TMEM232: variants seen among roughly 807,000 people sequenced by gnomAD.
The protein encoded by TMEM232 is transmembrane protein 232.
In TMEM232, 80 loss-of-function variants were observed where a neutral mutation model predicts 78.8. The ratio of observed to expected loss-of-function variants is 1.01; its 90% CI spans 0.85 to 1.22. The LOEUF (loss-of-function observed/expected upper bound fraction) is 1.22, where lower values mean the gene tolerates loss of function less well. Among genes scored for constraint, TMEM232 ranks in the 50% most tolerant of loss-of-function variants. TMEM232 has a pLI of 0.00. For missense variants in TMEM232, 881 were observed against 742.2 expected, an observed-to-expected ratio of 1.19 and a Z score of -2.17; for synonymous variants, 297 against 254.3, an observed-to-expected ratio of 1.17 and a Z score of -1.60.
chr5:110,682,254 A>T (rs771169619), intron 1 of TMEM232, among the ~76,000 whole-genome samples: 4 of 152,182 alleles, frequency 2.6e-5, no homozygotes, highest in Admixed American at 2.0e-4. Context: ...CAGTCCCAAA[A>T]CACAGGGTAC....
intron 2 of TMEM232, among the ~76,000 whole-genome samples, chr5:110,648,627 TA>T (rs1580496675): frequency 6.6e-6 from 1 of 152,124 alleles, no homozygotes; most frequent in South Asian, 2.1e-4. Flanking sequence ...CCTAAAAAAA[TA>T]GCAAAAGTGG....
intron 5 of TMEM232, among the ~76,000 whole-genome samples, chr5:110,633,079 T>C (rs1413886792): frequency 6.6e-6 from 1 of 152,004 alleles, no homozygotes. Context: ...ATATTCAAAT[T>C]GCTGCAAGAA....
At chr5:110,722,491 A>G (rs1797743938) in intron 1 of TMEM232, among the ~76,000 whole-genome samples, 1 of 152,198 alleles carries the variant, frequency 6.6e-6, no homozygotes. Flanking sequence ...ACGGCTGTCA[A>G]GTAAACACTG....
chr5:110,721,793 A>C (rs1474430663), intron 1 of TMEM232, among the ~76,000 whole-genome samples: 2 of 150,468 alleles, frequency 1.3e-5, no homozygotes, highest in Non-Finnish European at 3.0e-5. Flanking sequence ...CGAATAAGAA[A>C]GACATAGTTT....
upstream of TMEM232, chr5:110,738,775 T>A (rs1323374087): frequency 2.8e-6 from 1 of 355,994 alleles, no homozygotes; most frequent in Non-Finnish European, 5.0e-6. Context: ...ATCTTTGAAC[T>A]CCTCCCATGC....
At position 110,618,535 on chromosome 5, in the gene TMEM232, AG is replaced by A; in HGVS notation, c.795del (p.Trp266GlyfsTer17). 1 of 1,550,032 alleles carries A rather than the reference AG, an allele frequency of 6.5e-7. No individual in the cohort carries two copies. The highest frequency in any genetic ancestry group is 8.7e-7 in the Non-Finnish European group (1 of 1,146,472). Reference sequence around the variant, plus strand: ...CAAGACCAAGCAGCAACACAGTGCCAGAGCAGGTGGTTAATTTCATATCCTC... The same window carrying A: ...CAAGACCAAGCAGCAACACAGTGCCAAGCAGGTGGTTAATTTCATATCCTC... ...DMGGYEINHL[L>X]WHCVAAWSCV... On this transcript the variant is annotated frameshift_variant, in exon 8 of 14. Transcript: ENST00000455884. LOFTEE classifies it high-confidence loss of function.
intron 5 of TMEM232, among the ~76,000 whole-genome samples, chr5:110,631,566 G>T (rs963921349): frequency 4.6e-5 from 7 of 152,170 alleles, no homozygotes; most frequent in African/African-American, 1.7e-4. Context: ...TGCCACTGGA[G>T]GCTAGGGCAG....
intron 12 of TMEM232, among the ~76,000 whole-genome samples, chr5:110,433,014 C>T (rs60582944): frequency 0.22 from 33,952 of 151,594 alleles, 6,773 homozygotes; most frequent in African/African-American, 0.53. Context: ...AGAAAATACT[C>T]TGATAGCCAC....
chr5:110,398,295 C>A lies in TMEM232; in HGVS notation n.309-441G>T, dbSNP rs565609198. Among the ~76,000 whole-genome samples, 8 of 152,160 alleles carry A rather than the reference C, an allele frequency of 5.3e-5. No individual in the cohort carries two copies. In the East Asian group the frequency reaches 1.5e-3, roughly 29 times the overall value. On this transcript the variant is annotated intron_variant and non_coding_transcript_variant, in intron 2 of 8. Transcript: ENST00000507188. ...ATTGTCACTAATGTGTATAACAAAC[C>A]TCTACAAAAGAAAAACCAAGGTATT...
chr5:110,533,136 CTT>C (rs1315715621), intron 11 of TMEM232, among the ~76,000 whole-genome samples: 1 of 152,162 alleles, frequency 6.6e-6, no homozygotes, highest in Non-Finnish European at 1.5e-5. Context: ...CCCAGCCTCT[CTT>C]TGCTTTCACC....
chr5:110,502,288 A>G (rs1033123838), intron 12 of TMEM232, among the ~76,000 whole-genome samples: 1 of 152,172 alleles, frequency 6.6e-6, no homozygotes, highest in African/African-American at 2.4e-5. Context: ...AGTTCCAGGG[A>G]CTGAAACCAG....
intron 2 of TMEM232, among the ~76,000 whole-genome samples, chr5:110,646,095 G>T (rs963719784): frequency 1.3e-5 from 2 of 151,460 alleles, no homozygotes; most frequent in Non-Finnish European, 3.0e-5. Flanking sequence ...AAAAAACAAA[G>T]AAGACATAGA....
At chr5:110,726,114 A>ACACT (rs1170165942) in intron 1 of TMEM232, among the ~76,000 whole-genome samples, 2 of 149,172 alleles carry the variant, frequency 1.3e-5, no homozygotes, top group African/African-American at 5.0e-5. Context: ...TCTTTCACAC[A>ACACT]CACACACACA....
At position 110,398,323 on chromosome 5, in the gene TMEM232, A is replaced by G. The variant is rs1755468965; in HGVS notation, n.309-469T>C. Among the ~76,000 whole-genome samples the G allele has an allele frequency of 2.0e-5, 3 of 152,176 alleles. No individual in the cohort carries two copies. In the South Asian group the frequency reaches 6.2e-4, roughly 31 times the overall value. On this transcript the variant is annotated intron_variant and non_coding_transcript_variant, in intron 2 of 8. Transcript: ENST00000507188. Reference sequence around the variant, plus strand: ...TACAAAAGAAAAACCAAGGTATTAAATGGTTGGTAGTTTTCATTTGGGTAG... The same window carrying G: ...TACAAAAGAAAAACCAAGGTATTAAGTGGTTGGTAGTTTTCATTTGGGTAG...
chr5:110,609,900 A>C (rs1781977930), intron 8 of TMEM232, among the ~76,000 whole-genome samples: 1 of 152,104 alleles, frequency 6.6e-6, no homozygotes, highest in African/African-American at 2.4e-5. Context: ...CAGTCTCAGT[A>C]CTCAGAGAGG....
chr5:110,490,173 G>GAAAGAAAGAAATAAAT (rs1554089435), intron 12 of TMEM232, among the ~76,000 whole-genome samples: 1 of 126,402 alleles, frequency 7.9e-6, no homozygotes, highest in African/African-American at 3.8e-5. Context: ...AAGAAAGAAA[G>GAAAGAAAGAAATAAAT]AAAGAAAGAA....
At position 110,620,720 on chromosome 5, in the gene TMEM232, A is replaced by T. The variant is rs549142581; in HGVS notation, c.769-2158T>A. Among the ~76,000 whole-genome samples the T allele has an allele frequency of 1.1e-4, 17 of 148,662 alleles. No individual in the cohort carries two copies. The South Asian group carries it at 3.4e-3, about 30-fold the overall frequency. On this transcript the variant is annotated intron_variant, in intron 7 of 13. Coordinates refer to ENST00000455884, the MANE Select transcript of TMEM232 (RefSeq NM_001039763.4). ...AACAAGTAATAAACCCAATATGTCT[A>T]ATTGCAGATGTGCTCCTAGTGGCCT...
intron 12 of TMEM232, among the ~76,000 whole-genome samples, chr5:110,463,211 G>A (rs1234233047): frequency 6.6e-6 from 1 of 152,170 alleles, no homozygotes; most frequent in Non-Finnish European, 1.5e-5. Flanking sequence ...ACCCTGATCA[G>A]TCAGCAGCCA....
intron 1 of TMEM232, among the ~76,000 whole-genome samples, chr5:110,700,825 G>T (rs989251958): frequency 2.0e-5 from 3 of 149,976 alleles, no homozygotes; most frequent in Non-Finnish European, 1.5e-5. Flanking sequence ...TAGATAGATA[G>T]ATATAATAGA....
Sources: allele counts gnomAD v4.1 joint callset (sites outside exome capture counted in the v4.1 genomes callset), GRCh38; gene constraint gnomAD v4.1.1; transcripts MANE v1.5; gene names NCBI Gene and HGNC (gene_info 2026-07-23, HGNC 2026-07-21).